PIEZO1: variants seen among roughly 807,000 people sequenced by gnomAD.
The protein encoded by PIEZO1 is piezo type mechanosensitive ion channel component 1 (Er blood group).
Under a neutral mutation model 297.2 loss-of-function variants are expected in PIEZO1, and 296 were observed. The ratio of observed to expected loss-of-function variants is 1.00; its 90% CI spans 0.91 to 1.10. The LOEUF (loss-of-function observed/expected upper bound fraction) is 1.10, where lower values mean the gene tolerates loss of function less well. PIEZO1 is among the 50% of genes least tolerant of loss of function. The pLI is 0.00. For synonymous variants in PIEZO1, 2,427 were observed against 1,507.5 expected (o/e 1.61, Z -14.13); for missense variants, 5,018 against 3,455.5 (o/e 1.45, Z -11.34).
rs530322988 is a variant in PIEZO1 at position 88,722,255 on chromosome 16, C to T, written c.4918G>A (p.Gly1640Arg). The change falls in exon 36 of 51, where the codon GGA becomes AGA. Residue 1640 changes from glycine to arginine, a missense_variant. Transcript: ENST00000301015. The part of the protein sequence containing the change: ...EREAGASLYQ[G>R]LMRTASELLL... ...AGCTCGCTGGCCGTCCGCATCAGTC[C>T]CTGGTACAGAGAGGCACCAGCCTCA... 18 of 1,548,306 alleles carry T rather than the reference C, an allele frequency of 1.2e-5. No individual in the cohort carries two copies. The highest frequency in any genetic ancestry group is 8.3e-5 in the South Asian group (7 of 84,040).
intron 27 of PIEZO1, chr16:88,726,032 G>C (rs2142783215): frequency 3.5e-6 from 2 of 569,712 alleles, no homozygotes; most frequent in Admixed American, 3.3e-5. Flanking sequence ...TAGTGGGAAA[G>C]TTGGCTGGGG....
chr16:88,736,652 A>C lies in PIEZO1; in HGVS notation c.1283T>G (p.Leu428Arg). ...ACAGCCGCCTACCATCATGGCAATG[A>C]GCGCGCACACATAGCTCTGGTCCAT... ...LIMDQSYVCA[L>R]IAMMVWSITY... The change falls in exon 11 of 51, where the codon CTC becomes CGC. Residue 428 changes from leucine to arginine, a missense_variant. By Grantham distance (102) the Leu-to-Arg change is moderately radical. Coordinates refer to ENST00000301015, the MANE Select transcript of PIEZO1 (RefSeq NM_001142864.4). 1 of 1,530,998 alleles carries C rather than the reference A, an allele frequency of 6.5e-7. No individual in the cohort carries two copies. Among genetic ancestry groups the C allele is most frequent in the Non-Finnish European group, 8.7e-7 (1 of 1,144,752 alleles). The allele number at this position is 1,530,998 out of a possible 1,614,324, so 94.8% of individuals were successfully genotyped here. A position where few individuals can be genotyped will look rare whatever the true frequency, so the allele number is the denominator to read the frequency against.
rs548281177 is a variant in PIEZO1 at position 88,749,558 on chromosome 16, C to T, written c.65-79G>A. 55 of 1,068,870 alleles carry T rather than the reference C, an allele frequency of 5.1e-5. No individual in the cohort carries two copies. The East Asian group carries it at 1.4e-3, about 28-fold the overall frequency. The allele number at this position is 1,068,870 out of a possible 1,614,324, so 66.2% of individuals were successfully genotyped here. On this transcript the variant is annotated intron_variant, in intron 1 of 50. Coordinates refer to ENST00000301015, the MANE Select transcript of PIEZO1 (RefSeq NM_001142864.4). ...CCCAGAGGACAGCGCACCCACGGCC[C>T]AGCTCGTCACACCGCCGAGGCCGTG...
Position 88,726,381 on chromosome 16 carries a change from A to G in PIEZO1, c.3871T>C (p.Cys1291Arg). Residue 1291 changes from cysteine (C) to arginine (R), a missense_variant, in exon 27 of 51, where the codon TGC (cysteine) becomes CGC (arginine). Transcript: ENST00000301015. ...CGCTGCAGCAGCAGGAAGAAGAAGC[A>G]GACGCTGTCCCAGATGATGCCAGCC... Reference protein sequence around the residue: ...EEAGIIWDSVCFFFLLLQRRV... With the variant: ...EEAGIIWDSVRFFFLLLQRRV... 7 of 1,550,496 alleles carry G rather than the reference A, an allele frequency of 4.5e-6. No homozygotes were observed. Among genetic ancestry groups the G allele is most frequent in the Non-Finnish European group, 6.1e-6 (7 of 1,146,930 alleles).
At chr16:88,724,075 C>T (rs951214904) in intron 30 of PIEZO1, 104 bp from the exon 31 acceptor site, 34 of 694,778 alleles carry the variant, frequency 4.9e-5, no homozygotes, top group South Asian at 2.0e-4. Context: ...CCTTCCCATG[C>T]GGAGTAGCCG....
rs1194101534 is a variant in PIEZO1, at chr16:88,734,392, G to A, written c.2144C>T (p.Ser715Phe). 25 of 1,547,524 alleles carry A rather than the reference G, an allele frequency of 1.6e-5. No individual in the cohort carries two copies. The highest frequency in any genetic ancestry group is 4.9e-5 in the East Asian group (2 of 40,898). The change falls in exon 16 of 51, where the codon TCC (serine) becomes TTC (phenylalanine). Residue 715 changes from serine (S) to phenylalanine (F), a missense_variant. Ser to Phe is a radical substitution (Grantham distance 155, BLOSUM62 -2). Coordinates refer to ENST00000301015, the MANE Select transcript of PIEZO1 (RefSeq NM_001142864.4). ...FMQLTDMEHV[S>F]LPGTRLPRWA... ...GCGCGGGAGGCGCGTGCCAGGCAGG[G>A]ACACGTGCTCCATGTCGGTGAGCTG...
chr16:88,725,395 C>T, intron 29 of PIEZO1, 21 bp downstream of exon 29: 2 of 1,377,688 alleles, frequency 1.5e-6, no homozygotes, highest in Middle Eastern at 2.3e-4. Context: ...GCCCTGGGTG[C>T]CCGACTCCAG....
At position 88,721,931 on chromosome 16, in the gene PIEZO1, G is replaced by A; in HGVS notation, c.5091C>T (p.Leu1697=). 6.5e-7 allele frequency: 1 copy of A among 1,550,198 alleles called. No homozygotes were observed. The highest frequency in any genetic ancestry group is 2.4e-5 in the East Asian group (1 of 40,914). Residue 1697 remains leucine (L), a synonymous_variant, in exon 37 of 51, where the codon CTC becomes CTT. Transcript: ENST00000301015. ...SELLCYFIII[L]NHMVTASAGS... ...CGGCGGAGGCCGTGACCATGTGGTT[G>A]AGGATGATGATGAAGTAGCAGAGCA...
intron 6 of PIEZO1, 37 bp from the exon 7 acceptor site, chr16:88,738,477 G>A (rs1231699339): frequency 1.3e-6 from 2 of 1,531,370 alleles, no homozygotes; most frequent in Non-Finnish European, 1.7e-6. Context: ...TACCTGGCCA[G>A]TGCCATGTGT....
At position 88,736,314 on chromosome 16, in the gene PIEZO1, A is replaced by C; in HGVS notation, c.1391T>G (p.Met464Arg). Residue 464 changes from methionine (M) to arginine (R), a missense_variant, in exon 12 of 51, where the codon ATG becomes AGG. Transcript: ENST00000301015. The stretch of plus-strand genomic sequence containing the variant: ...CAGCAGGATGCAGGGCGAGCACAGC[A>C]TGGCCAGTTGGTGGCGGCTGCGCAC... Reference protein sequence around the residue: ...WTVRSRHQLAMLCSPCILLYG... With the variant: ...WTVRSRHQLARLCSPCILLYG... 1 of 1,550,240 alleles carries C rather than the reference A, an allele frequency of 6.5e-7. No individual in the cohort carries two copies. Among genetic ancestry groups the C allele is most frequent in the Non-Finnish European group, 8.7e-7 (1 of 1,146,872 alleles).
At chr16:88,764,764 A>AG (rs951943884) in intron 1 of PIEZO1, among the ~76,000 whole-genome samples, 1 of 151,272 alleles carries the variant, frequency 6.6e-6, no homozygotes, top group African/African-American at 2.4e-5. Context: ...AAAAAAAAAA[A>AG]AAAGAAAGAA....
At position 88,722,635 on chromosome 16, in the gene PIEZO1, C is replaced by G. The variant is rs1241568878; in HGVS notation, c.4723G>C (p.Ala1575Pro). 3 of 1,538,594 alleles carry G rather than the reference C, an allele frequency of 1.9e-6. No homozygotes were observed. The highest frequency in any genetic ancestry group is 2.6e-6 in the Non-Finnish European group (3 of 1,146,130). The stretch of plus-strand genomic sequence containing the variant: ...GCCTCGGTGGGGCCTGGCAGCGTGG[C>G]CTCGGCCTGGCTTGTGTACAGCTGA... ...LDQLYTSQAEATLPGPTEAPN... is the reference protein window; with the variant it reads ...LDQLYTSQAEPTLPGPTEAPN... The change falls in exon 35 of 51, where the codon GCC (alanine) becomes CCC (proline). Residue 1575 changes from alanine (A) to proline (P), a missense_variant. Physicochemically the swap from Ala to Pro is conservative, Grantham distance 27 (BLOSUM62 -1). Transcript: ENST00000301015.
intron 12 of PIEZO1, among the ~76,000 whole-genome samples, chr16:88,735,512 C>T (rs966353880): frequency 3.3e-5 from 5 of 152,282 alleles, no homozygotes; most frequent in East Asian, 3.8e-4. Flanking sequence ...CACTAGTTCA[C>T]GTGGGCACAG....
At position 88,721,177 on chromosome 16, in the gene PIEZO1, G is replaced by A. The variant is rs1270847617; in HGVS notation, c.5657C>T (p.Ala1886Val). The change falls in exon 39 of 51, where the codon GCG becomes GTG. Residue 1886 changes from alanine (A) to valine (V), a missense_variant. By Grantham distance (64) the Ala-to-Val change is moderately conservative (BLOSUM62 0). Coordinates refer to ENST00000301015, the MANE Select transcript of PIEZO1 (RefSeq NM_001142864.4). Reference sequence around the variant, plus strand: ...CAGGGCGCTTATACCGATGGCTGCCGCTCCTTTCCGTGCTGGGCCCTCCTT... The same window carrying A: ...CAGGGCGCTTATACCGATGGCTGCCACTCCTTTCCGTGCTGGGCCCTCCTT... ...RKKEGPARKG[A>V]AAIEAEDREE... 7.3e-6 allele frequency: 11 copies of A among 1,508,344 alleles called. No homozygotes were observed. Among genetic ancestry groups the A allele is most frequent in the African/African-American group, 2.8e-5 (2 of 71,716 alleles). 93.4% of individuals were successfully genotyped at this position (1,508,344 alleles called of 1,614,324 possible).
In PIEZO1 at chr16:88,731,866, G is replaced by T; in HGVS notation, c.3036C>A (p.Asn1012Lys). 7.1e-7 allele frequency: 1 copy of T among 1,399,252 alleles called. No individual in the cohort carries two copies. Among genetic ancestry groups the T allele is most frequent in the Non-Finnish European group, 9.3e-7 (1 of 1,069,548 alleles). 86.7% of individuals were successfully genotyped at this position (1,399,252 alleles called of 1,614,324 possible). A position where few individuals can be genotyped will look rare whatever the true frequency, so the allele number is the denominator to read the frequency against. Residue 1012 changes from asparagine to lysine, a missense_variant, in exon 22 of 51, where the codon AAC (asparagine) becomes AAA (lysine). Asn to Lys is a moderately conservative substitution (Grantham distance 94). Transcript: ENST00000301015. ...MAVNVIGQRMNFLVTLHGCWL... is the reference protein window; with the variant it reads ...MAVNVIGQRMKFLVTLHGCWL... ...AGCAACCGTGCAGGGTCACCAGAAAGTTCATGCGCTGCCCGATCACGTTCA... is the reference window on the plus strand; with the variant it reads ...AGCAACCGTGCAGGGTCACCAGAAATTTCATGCGCTGCCCGATCACGTTCA...
chr16:88,763,073 G>T (rs887190979), intron 1 of PIEZO1, among the ~76,000 whole-genome samples: 4 of 152,228 alleles, frequency 2.6e-5, no homozygotes, highest in Non-Finnish European at 4.4e-5. Context: ...CTTGGACAGG[G>T]TGCAGGTCCA....
rs1567674821 is a variant in PIEZO1 at position 88,736,762 on chromosome 16, G to C, written c.1196-23C>G. The C allele has an allele frequency of 2.8e-6, 4 of 1,448,444 alleles. No homozygotes were observed. The South Asian group carries it at 3.8e-5, about 14-fold the overall frequency. 89.7% of individuals were successfully genotyped at this position (1,448,444 alleles called of 1,614,324 possible). The stretch of plus-strand genomic sequence containing the variant: ...GCACTGCAGGTGGGGACAGCGGTCA[G>C]CTTCGGCAGGTTGATCTGCAGGCCT... On this transcript the variant is annotated intron_variant, in intron 10 of 50. Transcript: ENST00000301015.
Position 88,749,496 on chromosome 16 carries a change from G to A in PIEZO1, c.65-17C>T, listed in dbSNP as rs149858134. 20 of 1,516,616 alleles carry A rather than the reference G, an allele frequency of 1.3e-5. No homozygotes were observed. The highest frequency in any genetic ancestry group is 5.5e-5 in the African/African-American group (4 of 72,104). 93.9% of individuals were successfully genotyped at this position (1,516,616 alleles called of 1,614,324 possible). The stretch of plus-strand genomic sequence containing the variant: ...GCAGGCAGGCTGCGGGGAGATGGGC[G>A]TTAACTAGGTCGCCAACAGAGGATG... On this transcript the variant is annotated splice_polypyrimidine_tract_variant and intron_variant, in intron 1 of 50. Transcript: ENST00000301015.
At chr16:88,736,034 C>T (rs1293445744) in intron 12 of PIEZO1, 114 bp downstream of exon 12, 10 of 1,068,204 alleles carry the variant, frequency 9.4e-6, no homozygotes, top group African/African-American at 1.6e-5. Context: ...GACAGACAGA[C>T]ACATCTGCCT....
Sources: allele counts gnomAD v4.1 joint callset (sites outside exome capture counted in the v4.1 genomes callset), GRCh38; gene constraint gnomAD v4.1.1; transcripts MANE v1.5; gene names NCBI Gene and HGNC (gene_info 2026-07-23, HGNC 2026-07-21).